The following KIAA1958 variants were observed in gnomAD, a reference collection of about 807,000 sequenced individuals.
KIAA1958 encodes uncharacterized protein KIAA1958.
In KIAA1958, 14 loss-of-function variants were observed where a neutral mutation model predicts 47.2. The ratio of observed to expected loss-of-function variants is 0.30; its 90% CI spans 0.20 to 0.46. The LOEUF is 0.46. Ranked by LOEUF, KIAA1958 falls within the 20% of genes least tolerant of loss-of-function variation. The pLI is 1.00. For missense variants in KIAA1958, 803 were observed against 909.2 expected (o/e 0.88, Z 1.50); for synonymous variants, 354 against 353.3 (o/e 1.00, Z -0.02).
chr9:112,567,583 A>G (rs1835447203), intron 1 of KIAA1958, among the ~76,000 whole-genome samples: 1 of 152,212 alleles, frequency 6.6e-6, no homozygotes. Flanking sequence ...TAATCCAGAA[A>G]GAAACAACCA....
chr9:112,580,971 C>T (rs1835725270), intron 2 of KIAA1958, among the ~76,000 whole-genome samples: 2 of 152,200 alleles, frequency 1.3e-5, no homozygotes, highest in African/African-American at 2.4e-5. Flanking sequence ...ACCGGGTACA[C>T]ATCTGAAGAT....
chr9:112,569,351 T>G (rs1003823054), intron 1 of KIAA1958, among the ~76,000 whole-genome samples: 13 of 152,192 alleles, frequency 8.5e-5, no homozygotes, highest in Non-Finnish European at 1.6e-4. Context: ...GCATTAAGTG[T>G]CTTCTTATCC....
intron 3 of KIAA1958, 92 bp downstream of exon 3, chr9:112,645,914 G>C: frequency 1.9e-6 from 2 of 1,067,818 alleles, no homozygotes; most frequent in South Asian, 4.9e-5. Flanking sequence ...AACACAGAAC[G>C]GTGGCTTTCT....
At chr9:112,541,511 A>G (rs1160251976) in intron 1 of KIAA1958, among the ~76,000 whole-genome samples, 1 of 152,204 alleles carries the variant, frequency 6.6e-6, no homozygotes, top group Non-Finnish European at 1.5e-5. Flanking sequence ...ATGTTAGAAT[A>G]AAACAACAAA....
rs540659103 is a variant in KIAA1958 at position 112,557,576 on chromosome 9, A to G, written c.-24-16481A>G. The stretch of plus-strand genomic sequence containing the variant: ...GTATATATCTCAGCTAACCAGATTC[A>G]CAGAGGTGGATGAAAGCATCATCTC... On this transcript the variant is annotated intron_variant, in intron 1 of 3. Transcript: ENST00000337530. 2.6e-5 allele frequency among the ~76,000 whole-genome samples: 4 copies of G among 152,308 alleles called. No homozygotes were observed. In the East Asian group the frequency reaches 7.7e-4, roughly 29 times the overall value.
intron 2 of KIAA1958, among the ~76,000 whole-genome samples, chr9:112,605,212 A>G (rs557103766): frequency 2.6e-5 from 4 of 152,208 alleles, no homozygotes; most frequent in African/African-American, 7.2e-5. Context: ...ATGTAGGACA[A>G]TGTAAGTCTA....
chr9:112,504,939 G>GACA (rs1387186616), intron 1 of KIAA1958, among the ~76,000 whole-genome samples: 1 of 152,100 alleles, frequency 6.6e-6, no homozygotes, highest in Non-Finnish European at 1.5e-5. Context: ...ATACATTTTT[G>GACA]TTGAAGATAG....
In KIAA1958 at chr9:112,604,954, A is replaced by G. The variant is rs1836202252; in HGVS notation, c.1171+29703A>G. Among the ~76,000 whole-genome samples, 4 of 147,270 alleles carry G rather than the reference A, an allele frequency of 2.7e-5. No individual in the cohort carries two copies. The South Asian group carries it at 6.3e-4, about 23-fold the overall frequency. ...TTTTATGTAATATATATTTTAATAT[A>G]TGTTTATATATTTTTATATATTATA... On this transcript the variant is annotated intron_variant, in intron 2 of 3. Coordinates refer to ENST00000337530, the MANE Select transcript of KIAA1958 (RefSeq NM_133465.4).
At chr9:112,513,627 A>ACCGCC (rs1400696172) in intron 1 of KIAA1958, among the ~76,000 whole-genome samples, 2 of 126,576 alleles carry the variant, frequency 1.6e-5, no homozygotes, top group Non-Finnish European at 3.4e-5. Context: ...CCGCCGCCCG[A>ACCGCC]CCGCCGGGAG....
intron 1 of KIAA1958, among the ~76,000 whole-genome samples, chr9:112,545,662 T>G (rs2132829547): frequency 1.3e-5 from 2 of 151,840 alleles, no homozygotes; most frequent in East Asian, 1.9e-4. Context: ...CAGGAGGGAG[T>G]TTTTCTACTT....
intron 1 of KIAA1958, among the ~76,000 whole-genome samples, chr9:112,554,354 C>T (rs1229029947): frequency 6.6e-5 from 10 of 151,896 alleles, no homozygotes; most frequent in Non-Finnish European, 1.2e-4. Flanking sequence ...AAAAATCAGC[C>T]GGGCATGGTG....
At position 112,659,712 on chromosome 9, in the gene KIAA1958, G is replaced by A. The variant is rs747500137; in HGVS notation, c.1794G>A (p.Thr598=). ...DPQNQPYFAR[T]DSVKRESRSG... ...AAAACCAGCCCTACTTTGCCCGGAC[G>A]GACAGCGTCAAGCGGGAGAGTCGGA... Residue 598 remains threonine, a synonymous_variant, in exon 4 of 4, where the codon ACG becomes ACA. Coordinates refer to ENST00000337530, the MANE Select transcript of KIAA1958 (RefSeq NM_133465.4). The A allele has an allele frequency of 1.3e-5, 21 of 1,614,188 alleles. No homozygotes were observed. Among genetic ancestry groups the A allele is most frequent in the South Asian group, 4.4e-5 (4 of 91,072 alleles).
At chr9:112,604,098 A>G (rs1836182967) in intron 2 of KIAA1958, among the ~76,000 whole-genome samples, 1 of 152,206 alleles carries the variant, frequency 6.6e-6, no homozygotes, top group Non-Finnish European at 1.5e-5. Context: ...TACTGTAGCA[A>G]TAGAAGCAAA....
intron 1 of KIAA1958, among the ~76,000 whole-genome samples, chr9:112,499,787 C>T (rs536494756): frequency 2.0e-5 from 3 of 148,848 alleles, no homozygotes; most frequent in East Asian, 2.0e-4. Context: ...CTCCCAGGTT[C>T]GTGCCATTCT....
chr9:112,542,357 A>G (rs1588009825), intron 1 of KIAA1958, among the ~76,000 whole-genome samples: 1 of 152,198 alleles, frequency 6.6e-6, no homozygotes, highest in East Asian at 1.9e-4. Flanking sequence ...TGTATTAAAA[A>G]GTTTTCCCAA....
intron 2 of KIAA1958, among the ~76,000 whole-genome samples, chr9:112,614,643 A>C (rs1836381024): frequency 6.6e-6 from 1 of 152,206 alleles, no homozygotes; most frequent in Non-Finnish European, 1.5e-5. Flanking sequence ...CTCTTCATGT[A>C]GCTCATTCCT....
chr9:112,506,962 G>A (rs1834245079), intron 1 of KIAA1958, among the ~76,000 whole-genome samples: 1 of 152,124 alleles, frequency 6.6e-6, no homozygotes, highest in Admixed American at 6.6e-5. Context: ...AGCAATTGTG[G>A]TATTTAATTC....
intron 1 of KIAA1958, among the ~76,000 whole-genome samples, chr9:112,536,351 G>A (rs752060574): frequency 2.6e-5 from 4 of 152,206 alleles, no homozygotes; most frequent in South Asian, 2.1e-4. Context: ...AGAGGAGTTA[G>A]GATTTAGCCT....
At chr9:112,567,560 T>C (rs1835447009) in intron 1 of KIAA1958, among the ~76,000 whole-genome samples, 1 of 152,138 alleles carries the variant, frequency 6.6e-6, no homozygotes, top group Non-Finnish European at 1.5e-5. Context: ...GACTTCCATT[T>C]AGGAGCTGAT....
Sources: allele counts gnomAD v4.1 joint callset (sites outside exome capture counted in the v4.1 genomes callset), GRCh38; gene constraint gnomAD v4.1.1; transcripts MANE v1.5; gene names NCBI Gene and HGNC (gene_info 2026-07-23, HGNC 2026-07-21).